Variants in LRRC7 observed in about 807,000 individuals in gnomAD.
The protein encoded by LRRC7 is leucine rich repeat containing 7, also known as leucine-rich repeat-containing protein 7.
A neutral mutation model predicts 175.7 loss-of-function variants in LRRC7; 23 were observed. The ratio of observed to expected loss-of-function variants is 0.13; its 90% confidence interval spans 0.09 to 0.19. LRRC7 has a LOEUF of 0.19. Among genes scored for constraint, LRRC7 ranks in the 10% least tolerant of loss-of-function variants. The probability of loss-of-function intolerance (pLI) is 1.00; values close to 1 mark genes in which losing one functional copy is unlikely to be tolerated. For synonymous variants in LRRC7, 685 were observed against 680.9 expected (o/e 1.01, Z -0.09); for missense variants, 1,354 against 1,904.7 (o/e 0.71, Z 5.38).
Position 70,028,249 on chromosome 1 carries a change from G to T in LRRC7, c.1873G>T (p.Val625Leu). The T allele has an allele frequency of 6.2e-7, 1 of 1,613,742 alleles. No individual in the cohort carries two copies. Reference sequence around the variant, plus strand: ...TATGGTAAAATCTGTTCAAAATTTGGTGGGTAAGCCAAGCCATGGAGTGCG... The same window carrying T: ...TATGGTAAAATCTGTTCAAAATTTGTTGGGTAAGCCAAGCCATGGAGTGCG... ...KNMVKSVQNL[V>L]GKPSHGVRVE... Residue 625 changes from valine to leucine, a missense_variant, in exon 18 of 27, where the codon GTG becomes TTG. Transcript: ENST00000651989.
chr1:69,842,339 T>G (rs992660123), intron 7 of LRRC7, among the ~76,000 whole-genome samples: 3 of 152,132 alleles, frequency 2.0e-5, no homozygotes, highest in African/African-American at 7.2e-5. Flanking sequence ...AAATAAGGCC[T>G]CATTCATTAA....
At chr1:69,839,442 G>C (rs540915930) in intron 7 of LRRC7, among the ~76,000 whole-genome samples, 1 of 152,176 alleles carries the variant, frequency 6.6e-6, no homozygotes, top group South Asian at 2.1e-4. Context: ...CTAAAGCATT[G>C]GGTATGGGCC....
chr1:69,627,340 T>C (rs11209504), intron 1 of LRRC7, among the ~76,000 whole-genome samples: 40,729 of 152,128 alleles, frequency 0.27, 5,797 homozygotes, highest in East Asian at 0.36. Context: ...ATGAGCATTT[T>C]TTCATGTGTC....
At chr1:69,888,374 C>T (rs1219138771) in intron 7 of LRRC7, among the ~76,000 whole-genome samples, 5 of 152,224 alleles carry the variant, frequency 3.3e-5, no homozygotes, top group African/African-American at 7.2e-5. Context: ...GGGAGTGACC[C>T]GATTTTCCAG....
chr1:69,641,959 T>A (rs1654279223), intron 1 of LRRC7, among the ~76,000 whole-genome samples: 1 of 151,854 alleles, frequency 6.6e-6, no homozygotes. Context: ...CTGGAAGTTA[T>A]AATTTAAGCT....
At chr1:70,015,298 C>T (rs1656868819) in intron 13 of LRRC7, among the ~76,000 whole-genome samples, 1 of 151,626 alleles carries the variant, frequency 6.6e-6, no homozygotes, top group Admixed American at 6.6e-5. Flanking sequence ...ATTTCTATTG[C>T]CTTTCAATCT....
intron 24 of LRRC7, among the ~76,000 whole-genome samples, chr1:70,083,926 C>A (rs1379350953): frequency 6.6e-6 from 1 of 152,300 alleles, no homozygotes; most frequent in African/African-American, 2.4e-5. Flanking sequence ...ATATTGCTTT[C>A]TCTTCTTCCA....
At chr1:69,726,197 C>T (rs536482662) in intron 2 of LRRC7, among the ~76,000 whole-genome samples, 1 of 152,242 alleles carries the variant, frequency 6.6e-6, no homozygotes, top group African/African-American at 2.4e-5. Flanking sequence ...GGCTTTTTGA[C>T]AGTTACCCTG....
At chr1:69,896,456 G>A (rs1044292969) in intron 7 of LRRC7, among the ~76,000 whole-genome samples, 4 of 152,016 alleles carry the variant, frequency 2.6e-5, no homozygotes, top group Admixed American at 6.6e-5. Context: ...TCTTGATGTC[G>A]ATTACACAGA....
rs1363911789 is a variant in LRRC7, at chr1:69,760,685, G to A, written c.303+292G>A. Among the ~76,000 whole-genome samples, 3 of 151,836 alleles carry A rather than the reference G, an allele frequency of 2.0e-5. No individual in the cohort carries two copies. The East Asian group carries it at 5.8e-4, about 29-fold the overall frequency. On this transcript the variant is annotated intron_variant, in intron 3 of 26. Coordinates refer to ENST00000651989, the MANE Select transcript of LRRC7 (RefSeq NM_001370785.2). ...ATAAAAATATAGAGTAGAGGGTTGA[G>A]ATCAATAGTTTATGTTTAGAAAGAA...
At chr1:69,789,641 C>G (rs1674882846) in intron 3 of LRRC7, among the ~76,000 whole-genome samples, 1 of 152,028 alleles carries the variant, frequency 6.6e-6, no homozygotes, top group African/African-American at 2.4e-5. Flanking sequence ...TGAACTACCA[C>G]TCTTAGCTGG....
At chr1:69,719,491 A>G (rs1003313921) in intron 2 of LRRC7, among the ~76,000 whole-genome samples, 2 of 151,684 alleles carry the variant, frequency 1.3e-5, no homozygotes, top group Non-Finnish European at 3.0e-5. Context: ...ATGAGATTAC[A>G]TAACACTCTC....
At chr1:70,037,508 G>A (rs1659422344) in intron 20 of LRRC7, among the ~76,000 whole-genome samples, 3 of 152,128 alleles carry the variant, frequency 2.0e-5, no homozygotes, top group Non-Finnish European at 4.4e-5. Context: ...ACCTGAATAT[G>A]CTCCCTATAC....
intron 2 of LRRC7, among the ~76,000 whole-genome samples, chr1:69,735,179 A>C (rs138417623): frequency 4.7e-4 from 72 of 152,126 alleles, no homozygotes; most frequent in African/African-American, 1.7e-3. Flanking sequence ...GGATTAAGAA[A>C]ATTTGTAATA....
chr1:69,655,923 C>T (rs1007803807), intron 1 of LRRC7, among the ~76,000 whole-genome samples: 1 of 151,854 alleles, frequency 6.6e-6, no homozygotes, highest in African/African-American at 2.4e-5. Flanking sequence ...ATTTGAAAAG[C>T]CTGTATGTTA....
intron 1 of LRRC7, among the ~76,000 whole-genome samples, chr1:69,671,366 C>T (rs958824617): frequency 2.6e-5 from 4 of 152,098 alleles, no homozygotes; most frequent in Admixed American, 1.3e-4. Flanking sequence ...CTGGTATCAA[C>T]GATCCAAGAC....
chr1:69,749,990 G>A (rs1022267206), intron 2 of LRRC7, among the ~76,000 whole-genome samples: 1 of 151,758 alleles, frequency 6.6e-6, no homozygotes. Context: ...GAACCCGGGA[G>A]GTGGAGGTTG....
chr1:69,859,070 A>G (rs567127577), intron 7 of LRRC7, among the ~76,000 whole-genome samples: 1 of 152,214 alleles, frequency 6.6e-6, no homozygotes, highest in African/African-American at 2.4e-5. Flanking sequence ...CTGATCAGGA[A>G]TTGAATGTCA....
At chr1:69,840,853 G>C (rs923174977) in intron 7 of LRRC7, among the ~76,000 whole-genome samples, 1 of 152,032 alleles carries the variant, frequency 6.6e-6, no homozygotes, top group Non-Finnish European at 1.5e-5. Flanking sequence ...AAAAATGTTA[G>C]ATTATGTGAT....
Sources: gnomAD v4.1 joint callset for allele counts (sites outside exome capture counted in the v4.1 genomes callset) on GRCh38, gnomAD v4.1.1 for gene constraint, MANE v1.5 for transcripts, NCBI Gene and HGNC (gene_info 2026-07-23, HGNC 2026-07-21) for gene names.